RC3H1: variants seen among roughly 807,000 people sequenced by gnomAD.
RC3H1 encodes roquin-1.
A neutral mutation model predicts 138.2 loss-of-function variants in RC3H1; 50 were observed. The observed-to-expected ratio is 0.36, with a 90% CI of 0.29 to 0.46. The LOEUF is 0.46. Ranked by LOEUF, RC3H1 falls within the 20% of genes least tolerant of loss-of-function variation. The pLI is 1.00. For synonymous variants in RC3H1, 462 were observed against 489.1 expected, an observed-to-expected ratio of 0.94 and a Z score of 0.73; for missense variants, 1,031 against 1,388.1, an observed-to-expected ratio of 0.74 and a Z score of 4.09.
intron 1 of RC3H1, chr1:174,015,734 G>C (rs1661850821): frequency 6.6e-6 from 1 of 151,748 alleles, no homozygotes. Context: ...AGGCTGGTCT[G>C]GAACTCTTGG....
intron 1 of RC3H1, among the ~76,000 whole-genome samples, chr1:174,015,394 G>A (rs368095410): frequency 2.7e-5 from 4 of 148,394 alleles, no homozygotes; most frequent in Non-Finnish European, 3.0e-5. Flanking sequence ...GACAAGTCTC[G>A]CTCTGTCGCC....
intron 10 of RC3H1, 145 bp downstream of exon 10, chr1:173,964,694 G>A: frequency 1.3e-6 from 1 of 758,052 alleles, no homozygotes. Context: ...AAAAACACTA[G>A]CATGGGAAAT....
At chr1:173,975,157 A>T (rs1660519831) in intron 7 of RC3H1, among the ~76,000 whole-genome samples, 1 of 152,106 alleles carries the variant, frequency 6.6e-6, no homozygotes. Context: ...GTGCAGTGGC[A>T]TGATCTCTGC....
chr1:173,964,745 T>A, intron 10 of RC3H1, 94 bp downstream of exon 10: 2 of 441,282 alleles, frequency 4.5e-6, no homozygotes, highest in East Asian at 6.9e-5. Flanking sequence ...ATAATCAGGG[T>A]TTTTTTTTTT....
chr1:173,973,040 C>G (rs1209496485), intron 7 of RC3H1, among the ~76,000 whole-genome samples: 3 of 152,172 alleles, frequency 2.0e-5, no homozygotes, highest in Admixed American at 1.3e-4. Context: ...CAGATACATT[C>G]ACTGTTTCCC....
intron 13 of RC3H1, among the ~76,000 whole-genome samples, chr1:173,952,500 C>T (rs529522715): frequency 2.7e-5 from 4 of 147,170 alleles, no homozygotes; most frequent in Admixed American, 1.4e-4. Flanking sequence ...GATCAGTAAA[C>T]ATTTAAGCAT....
At chr1:173,982,613 G>C in intron 5 of RC3H1, 114 bp downstream of exon 5, 1 of 850,830 alleles carries the variant, frequency 1.2e-6, no homozygotes. Flanking sequence ...AAGAAAAATT[G>C]CTGAGATTTT....
intron 13 of RC3H1, among the ~76,000 whole-genome samples, chr1:173,952,382 T>G (rs1370469097): frequency 6.9e-5 from 10 of 144,322 alleles, no homozygotes; most frequent in East Asian, 6.0e-4. Context: ...TTTGTTTTTT[T>G]TTTTTACCTT....
chr1:173,986,856 G>A (rs981097749), intron 2 of RC3H1, among the ~76,000 whole-genome samples: 1 of 152,166 alleles, frequency 6.6e-6, no homozygotes, highest in Non-Finnish European at 1.5e-5. Context: ...GAGCCACTGC[G>A]CTAGCCCTTC....
At chr1:173,996,587 A>G (rs1360618010) in intron 1 of RC3H1, among the ~76,000 whole-genome samples, 5 of 152,144 alleles carry the variant, frequency 3.3e-5, no homozygotes, top group Non-Finnish European at 1.5e-5. Context: ...CCACTCACAG[A>G]TAAACCTGAG....
intron 14 of RC3H1, 120 bp from the exon 15 acceptor site, chr1:173,947,702 C>A: frequency 1.4e-6 from 1 of 704,532 alleles, no homozygotes; most frequent in Non-Finnish European, 2.4e-6. Flanking sequence ...AGACTAAAAT[C>A]ATTAGTTACC....
intron 1 of RC3H1, among the ~76,000 whole-genome samples, chr1:174,015,368 C>CT (rs113565337): frequency 0.053 from 7,529 of 142,620 alleles, 607 homozygotes; most frequent in African/African-American, 0.18. Context: ...TTCCACTACA[C>CT]TTTTTTTTTT....
chr1:173,936,596 T>A lies in RC3H1; in HGVS notation c.*2125A>T, dbSNP rs1022055574. 6.7e-6 allele frequency: 1 copy of A among 148,546 alleles called. No individual in the cohort carries two copies. Among genetic ancestry groups the A allele is most frequent in the African/African-American group, 2.5e-5 (1 of 40,684 alleles). 9.2% of individuals were successfully genotyped at this position (148,546 alleles called of 1,614,324 possible). ...CTGTTATGCAGAGAAATGAAAAATC[T>A]TGGGACTCTGTCAGACATACAAAAG... On this transcript the variant is annotated 3_prime_UTR_variant, in exon 20 of 20. Transcript: ENST00000367696.
intron 2 of RC3H1, among the ~76,000 whole-genome samples, chr1:173,989,365 A>AT (rs1008060939): frequency 1.4e-5 from 2 of 146,904 alleles, no homozygotes; most frequent in Non-Finnish European, 3.0e-5. Context: ...CCAGCAAAAA[A>AT]TTTTTTTTTG....
chr1:173,975,252 CG>C (rs1158580300), intron 7 of RC3H1, among the ~76,000 whole-genome samples: 11 of 152,066 alleles, frequency 7.2e-5, no homozygotes, highest in African/African-American at 2.7e-4. Context: ...CCTGCCACCA[CG>C]CCCAGCTAGT....
At chr1:173,957,345 G>A (rs1659691690) in intron 13 of RC3H1, among the ~76,000 whole-genome samples, 1 of 152,072 alleles carries the variant, frequency 6.6e-6, no homozygotes, top group South Asian at 2.1e-4. Flanking sequence ...TGCACCTCAG[G>A]ATTCAGGGAG....
chr1:174,012,267 T>A (rs1661784110), intron 1 of RC3H1, among the ~76,000 whole-genome samples: 1 of 151,992 alleles, frequency 6.6e-6, no homozygotes, highest in African/African-American at 2.4e-5. Flanking sequence ...GGGACAAATA[T>A]TTTTGCATCG....
At position 174,022,026 on chromosome 1, in the gene RC3H1, C is replaced by T; in HGVS notation, c.-151+70G>A. The T allele has an allele frequency of 2.6e-6, 1 of 391,698 alleles. No homozygotes were observed. The highest frequency in any genetic ancestry group is 4.5e-6 in the Non-Finnish European group (1 of 221,828). The allele number at this position is 391,698 out of a possible 1,614,324, so 24.3% of individuals were successfully genotyped here. A position where few individuals can be genotyped will look rare whatever the true frequency, so the allele number is the denominator to read the frequency against. On this transcript the variant is annotated intron_variant, in intron 1 of 19. Transcript: ENST00000367696. The surrounding 1 kb of genome is among the most constrained non-coding windows in gnomAD (Gnocchi z 4.2). ...ACAAACCCTTCCCGACCACAGCTGCCTATTGTTCCCGACTGAGGCCCCGGC... is the reference window on the plus strand; with the variant it reads ...ACAAACCCTTCCCGACCACAGCTGCTTATTGTTCCCGACTGAGGCCCCGGC...
At chr1:174,010,802 T>C (rs1407003746) in intron 1 of RC3H1, among the ~76,000 whole-genome samples, 1 of 152,110 alleles carries the variant, frequency 6.6e-6, no homozygotes, top group African/African-American at 2.4e-5. Context: ...CCATGACAAC[T>C]CAATTTTTAA....
Sources: gnomAD v4.1 joint callset for allele counts (sites outside exome capture counted in the v4.1 genomes callset) on GRCh38, gnomAD v4.1.1 for gene constraint, Gnocchi (gnomAD v3.1) non-coding constraint, MANE v1.5 for transcripts, NCBI Gene and HGNC (gene_info 2026-07-23, HGNC 2026-07-21) for gene names.